Variants in RIT2 observed in about 807,000 individuals in gnomAD.
RIT2 encodes GTP-binding protein Rit2.
RIT2 carries 24 observed loss-of-function variants against 23.7 expected under a neutral mutation model. The ratio of observed to expected loss-of-function variants is 1.01; its 90% CI spans 0.73 to 1.43. The LOEUF (loss-of-function observed/expected upper bound fraction) is 1.43. RIT2 is among the 40% of genes most tolerant of loss of function. The pLI is 0.00. For missense variants in RIT2, 236 were observed against 266.9 expected (o/e 0.88, Z 0.81); for synonymous variants, 107 against 91.1 (o/e 1.17, Z -0.99).
chr18:43,048,426 C>A (rs973109563), intron 1 of RIT2, among the ~76,000 whole-genome samples: 1 of 152,120 alleles, frequency 6.6e-6, no homozygotes, highest in African/African-American at 2.4e-5. Flanking sequence ...GTTAAGGAAA[C>A]AAGTGCTAGA....
At chr18:43,022,208 A>G (rs1399045104) in intron 2 of RIT2, among the ~76,000 whole-genome samples, 1 of 152,134 alleles carries the variant, frequency 6.6e-6, no homozygotes, top group Non-Finnish European at 1.5e-5. Context: ...CAGGCACAGA[A>G]TGACAAATAT....
At chr18:42,812,297 A>G (rs1450209160) in intron 4 of RIT2, among the ~76,000 whole-genome samples, 2 of 152,184 alleles carry the variant, frequency 1.3e-5, no homozygotes, top group African/African-American at 4.8e-5. Context: ...TAGTCCAGAA[A>G]TGGAGCTTCC....
intron 4 of RIT2, among the ~76,000 whole-genome samples, chr18:42,886,017 T>TCCTG (rs1908014039): frequency 1.3e-5 from 2 of 152,204 alleles, no homozygotes; most frequent in Admixed American, 6.5e-5. Context: ...GATGTGTGAT[T>TCCTG]GTATTAATTC....
chr18:43,113,364 T>C (rs1913996542), intron 1 of RIT2, among the ~76,000 whole-genome samples: 1 of 152,176 alleles, frequency 6.6e-6, no homozygotes, highest in Non-Finnish European at 1.5e-5. Flanking sequence ...AACTGAGCTG[T>C]TTATACTCCT....
At chr18:42,884,174 C>A (rs1013457406) in intron 4 of RIT2, among the ~76,000 whole-genome samples, 6 of 152,270 alleles carry the variant, frequency 3.9e-5, no homozygotes, top group Admixed American at 2.6e-4. Context: ...GTGAGTAACC[C>A]AGGAACTAAG....
At position 42,935,629 on chromosome 18, in the gene RIT2, T is replaced by A. The variant is rs921425659; in HGVS notation, c.235-11866A>T. ...TCTTTGTACAGTGTCTGCTATAAGA[T>A]ATTAGACATATTGTTACCAGAAGGC... On this transcript the variant is annotated intron_variant, in intron 3 of 4. Transcript: ENST00000326695. 8.5e-5 allele frequency among the ~76,000 whole-genome samples: 13 copies of A among 152,240 alleles called. No homozygotes were observed. In the South Asian group the frequency reaches 1.2e-3, roughly 15 times the overall value.
At chr18:43,013,228 T>C (rs1378415325) in intron 2 of RIT2, among the ~76,000 whole-genome samples, 1 of 151,908 alleles carries the variant, frequency 6.6e-6, no homozygotes, top group Non-Finnish European at 1.5e-5. Flanking sequence ...ATTCTGGCAC[T>C]TTTGTTTAAA....
At chr18:43,065,218 GTTTTTT>G (rs58941113) in intron 1 of RIT2, among the ~76,000 whole-genome samples, 1 of 81,646 alleles carries the variant, frequency 1.2e-5, no homozygotes, top group Non-Finnish European at 2.4e-5. Context: ...ACTTTTTTGG[GTTTTTT>G]TTTTTTTTTT....
intron 2 of RIT2, among the ~76,000 whole-genome samples, chr18:43,002,799 G>C (rs1045517320): frequency 3.9e-5 from 6 of 151,920 alleles, no homozygotes; most frequent in African/African-American, 7.2e-5. Flanking sequence ...ACATTACATT[G>C]CAAGGGGAAA....
At chr18:43,076,095 C>G (rs1397993419) in intron 1 of RIT2, among the ~76,000 whole-genome samples, 1 of 152,180 alleles carries the variant, frequency 6.6e-6, no homozygotes, top group Non-Finnish European at 1.5e-5. Flanking sequence ...GTGATAATAT[C>G]TAAGCTCTAT....
chr18:42,788,927 A>G (rs1913980183), intron 4 of RIT2, among the ~76,000 whole-genome samples: 1 of 152,202 alleles, frequency 6.6e-6, no homozygotes, highest in African/African-American at 2.4e-5. Flanking sequence ...TGGCTTATGT[A>G]TATTTACCAT....
chr18:43,058,381 C>T (rs1257826364), intron 1 of RIT2, among the ~76,000 whole-genome samples: 9 of 152,004 alleles, frequency 5.9e-5, no homozygotes, highest in African/African-American at 9.7e-5. Flanking sequence ...TAGATTCACC[C>T]GGGAGCTTGC....
intron 2 of RIT2, among the ~76,000 whole-genome samples, chr18:43,005,742 T>G (rs59268168): frequency 0.085 from 12,865 of 151,898 alleles, 789 homozygotes; most frequent in East Asian, 0.25. Flanking sequence ...TGATTAGATT[T>G]AAGACTTATT....
At chr18:43,047,761 T>C (rs746502562) in intron 1 of RIT2, among the ~76,000 whole-genome samples, 8 of 152,092 alleles carry the variant, frequency 5.3e-5, no homozygotes, top group African/African-American at 9.7e-5. Flanking sequence ...AAATGGAGCA[T>C]GGTTAGAAAA....
At chr18:42,804,658 A>G (rs1412146371) in intron 4 of RIT2, among the ~76,000 whole-genome samples, 2 of 152,072 alleles carry the variant, frequency 1.3e-5, no homozygotes, top group Admixed American at 1.3e-4. Flanking sequence ...TAAACACAAT[A>G]AATGATTAAC....
At chr18:43,108,625 C>T (rs979091390) in intron 1 of RIT2, among the ~76,000 whole-genome samples, 4 of 152,190 alleles carry the variant, frequency 2.6e-5, no homozygotes, top group African/African-American at 7.2e-5. Flanking sequence ...AACTCTCTTT[C>T]ATCAATTTAA....
chr18:42,754,576 G>C (rs1241106032), intron 4 of RIT2, among the ~76,000 whole-genome samples: 1 of 152,022 alleles, frequency 6.6e-6, no homozygotes, highest in Non-Finnish European at 1.5e-5. Context: ...TGGTGACCTT[G>C]GTGGCCTCTG....
intron 3 of RIT2, among the ~76,000 whole-genome samples, chr18:42,965,736 T>TTTTTTTTTTC (rs1910206318): frequency 7.5e-6 from 1 of 132,474 alleles, no homozygotes; most frequent in Admixed American, 7.5e-5. Context: ...TTTTTTTTTT[T>TTTTTTTTTTC]TTTTTTTTTC....
intron 4 of RIT2, among the ~76,000 whole-genome samples, chr18:42,866,465 C>T (rs1907471832): frequency 6.6e-6 from 1 of 151,916 alleles, no homozygotes; most frequent in Admixed American, 6.6e-5. Flanking sequence ...ACTGCCTTTC[C>T]CAAGCTCTGA....
Sources: allele counts gnomAD v4.1 joint callset (sites outside exome capture counted in the v4.1 genomes callset), GRCh38; gene constraint gnomAD v4.1.1; transcripts MANE v1.5; gene names NCBI Gene and HGNC (gene_info 2026-07-23, HGNC 2026-07-21).